SCAMP2: variants seen among roughly 807,000 people sequenced by gnomAD.
SCAMP2 encodes the protein secretory carrier-associated membrane protein 2.
Under a neutral mutation model 44.1 loss-of-function variants are expected in SCAMP2, and 25 were observed. That is an observed-to-expected ratio of 0.57 (90% CI 0.41 to 0.79). SCAMP2 has a LOEUF of 0.79. Among genes scored for constraint, SCAMP2 ranks in the 30% least tolerant of loss-of-function variants. The pLI is 0.00. For synonymous variants in SCAMP2, 156 were observed against 166.0 expected (o/e 0.94, Z 0.46); for missense variants, 355 against 411.0 (o/e 0.86, Z 1.18).
Position 74,863,163 on chromosome 15 carries a change from G to C in SCAMP2, c.58-8514C>G, listed in dbSNP as rs1195541847. Among the ~76,000 whole-genome samples the C allele has an allele frequency of 2.0e-5, 3 of 152,102 alleles. No homozygotes were observed. In the East Asian group the frequency reaches 5.8e-4, roughly 29 times the overall value. On this transcript the variant is annotated intron_variant, in intron 1 of 8. Transcript: ENST00000268099. ...AGTTTGAGACCAGCCTGGCCAGCAT[G>C]ATGAAACCCAGTCTCTACTAAAAAT...
intron 6 of SCAMP2, among the ~76,000 whole-genome samples, 187 bp from the exon 7 acceptor site, chr15:74,848,888 T>G (rs2141171287): frequency 1.3e-5 from 2 of 152,134 alleles, no homozygotes; most frequent in South Asian, 4.2e-4. Context: ...AAGAAGAGCT[T>G]GCCTTTCACT....
intron 3 of SCAMP2, 48 bp downstream of exon 3, chr15:74,853,973 T>G: frequency 4.0e-6 from 6 of 1,505,490 alleles, no homozygotes; most frequent in Non-Finnish European, 5.5e-6. Context: ...CTGGTCTGGA[T>G]GATTCCCTCA....
In SCAMP2 at chr15:74,845,174, G is replaced by A. The variant is rs1193550434; in HGVS notation, c.899C>T (p.Ala300Val). Residue 300 changes from alanine to valine, a missense_variant, in exon 9 of 9, where the codon GCC (alanine) becomes GTC (valine). Transcript: ENST00000268099. ...YRRTGASFQQ[A>V]QEEFSQGIFS... ...GATGCCCTGGGAAAACTCCTCCTGG[G>A]CCTGCTGGAAGCTGGCCCCTGTCCG... 6.2e-7 allele frequency: 1 copy of A among 1,613,706 alleles called. No homozygotes were observed. Among genetic ancestry groups the A allele is most frequent in the Non-Finnish European group, 8.5e-7 (1 of 1,180,000 alleles).
At chr15:74,853,945 A>G in intron 3 of SCAMP2, 76 bp downstream of exon 3, 1 of 1,332,686 alleles carries the variant, frequency 7.5e-7, no homozygotes, top group African/African-American at 1.4e-5. Context: ...GCTTGCCCCC[A>G]GCCTCAGGGC....
chr15:74,847,771 T>C (rs907176962), intron 7 of SCAMP2, among the ~76,000 whole-genome samples: 1 of 152,174 alleles, frequency 6.6e-6, no homozygotes, highest in African/African-American at 2.4e-5. Context: ...GAGATTAATT[T>C]TGAGCTGAGG....
chr15:74,854,970 G>C (rs1455583731), intron 1 of SCAMP2, among the ~76,000 whole-genome samples: 4 of 149,212 alleles, frequency 2.7e-5, no homozygotes, highest in Non-Finnish European at 5.9e-5. Flanking sequence ...CCTCTAGGGA[G>C]TGGGTTTTTT....
chr15:74,858,454 C>A (rs938087320), intron 1 of SCAMP2, among the ~76,000 whole-genome samples: 2 of 152,068 alleles, frequency 1.3e-5, no homozygotes, highest in Non-Finnish European at 2.9e-5. Context: ...AGCTCGGGAC[C>A]CTGGCTGAGA....
At chr15:74,852,323 C>T in intron 3 of SCAMP2, 137 bp from the exon 4 acceptor site, 1 of 513,936 alleles carries the variant, frequency 1.9e-6, no homozygotes, top group Non-Finnish European at 3.2e-6. Flanking sequence ...CCCCGCCCCA[C>T]AGAGTGTCTT....
intron 1 of SCAMP2, among the ~76,000 whole-genome samples, chr15:74,857,104 C>A (rs1479654024): frequency 6.6e-6 from 1 of 152,094 alleles, no homozygotes; most frequent in Non-Finnish European, 1.5e-5. Context: ...TCTTATCTTC[C>A]CACCTGAGCC....
Position 74,844,787 on chromosome 15 carries a change from T to C in SCAMP2, c.*296A>G. ...GATCCCAACTGTGTGGGGGTGTCTG[T>C]GTGTGCACAGGACGAAGAGAACTTC... is the stretch of plus-strand genomic sequence containing the variant. On this transcript the variant is annotated 3_prime_UTR_variant, in exon 9 of 9. Transcript: ENST00000268099. 1 of 319,934 alleles carries C rather than the reference T, an allele frequency of 3.1e-6. No individual in the cohort carries two copies. The highest frequency in any genetic ancestry group is 5.9e-6 in the Non-Finnish European group (1 of 168,368). The allele number at this position is 319,934 out of a possible 1,614,324, so 19.8% of individuals were successfully genotyped here.
At chr15:74,853,984 C>A in intron 3 of SCAMP2, 37 bp downstream of exon 3, 2 of 1,547,522 alleles carry the variant, frequency 1.3e-6, no homozygotes, top group Non-Finnish European at 1.8e-6. Flanking sequence ...GATTCCCTCA[C>A]TGGAGAGAAA....
intron 1 of SCAMP2, among the ~76,000 whole-genome samples, chr15:74,862,853 TACACACACACACACACACAC>T (rs112611741): frequency 2.3e-5 from 2 of 87,482 alleles, no homozygotes; most frequent in South Asian, 3.7e-4. Context: ...AAACAAACCA[TACACACACACACACACACAC>T]ACACACACAC....
chr15:74,865,997 AGG>A (rs2064540576), intron 1 of SCAMP2, among the ~76,000 whole-genome samples: 1 of 88,222 alleles, frequency 1.1e-5, no homozygotes. Context: ...GAAGGAAGGA[AGG>A]AAGGAAGGAA....
chr15:74,870,338 G>A (rs1026782804), intron 1 of SCAMP2, among the ~76,000 whole-genome samples: 16 of 152,128 alleles, frequency 1.1e-4, no homozygotes, highest in Admixed American at 8.5e-4. Context: ...TGCTAACACT[G>A]GAGCAAAGCT....
chr15:74,858,491 A>C (rs770469911), intron 1 of SCAMP2, among the ~76,000 whole-genome samples: 25 of 152,130 alleles, frequency 1.6e-4, no homozygotes, highest in South Asian at 8.3e-4. Context: ...TCCTCATTTA[A>C]CCCTCACAAC....
intron 1 of SCAMP2, among the ~76,000 whole-genome samples, chr15:74,867,470 C>G (rs931281335): frequency 2.0e-5 from 3 of 152,220 alleles, no homozygotes; most frequent in Non-Finnish European, 4.4e-5. Context: ...CCTATCTGGG[C>G]AGCTGTCTGT....
At position 74,854,034 on chromosome 15, in the gene SCAMP2, T is replaced by G; in HGVS notation, c.212A>C (p.Gln71Pro). 1 of 1,614,060 alleles carries G rather than the reference T, an allele frequency of 6.2e-7. No homozygotes were observed. Reference sequence around the variant, plus strand: ...TGTCAGCACTACCTGGGGGGTCGGCTGGGTTGGTTCCACTGATGGCTGGAG... The same window carrying G: ...TGTCAGCACTACCTGGGGGGTCGGCGGGGTTGGTTCCACTGATGGCTGGAG... ...AVLQPSVEPT[Q>P]PTPQAVVSAA... The change falls in exon 3 of 9, where the codon CAG (glutamine) becomes CCG (proline). Residue 71 changes from glutamine (Q) to proline (P), a missense_variant. Transcript: ENST00000268099.
Position 74,844,763 on chromosome 15 carries a change from A to T in SCAMP2, c.*320T>A, listed in dbSNP as rs1206461201. The T allele has an allele frequency of 4.3e-6, 1 of 232,476 alleles. No individual in the cohort carries two copies. The allele number at this position is 232,476 out of a possible 1,614,324, so 14.4% of individuals were successfully genotyped here. A position where few individuals can be genotyped will look rare whatever the true frequency, so the allele number is the denominator to read the frequency against. On this transcript the variant is annotated 3_prime_UTR_variant, in exon 9 of 9. Transcript: ENST00000268099. Reference sequence around the variant, plus strand: ...TGGGATGGGCCCAGGTCAGCCTGTGATCCCAACTGTGTGGGGGTGTCTGTG... The same window carrying T: ...TGGGATGGGCCCAGGTCAGCCTGTGTTCCCAACTGTGTGGGGGTGTCTGTG...
At chr15:74,861,329 C>G (rs1286252332) in intron 1 of SCAMP2, among the ~76,000 whole-genome samples, 1 of 152,144 alleles carries the variant, frequency 6.6e-6, no homozygotes, top group Non-Finnish European at 1.5e-5. Context: ...CAATCACCCC[C>G]AGAGTGGCTA....
Sources: gnomAD v4.1 joint callset for allele counts (sites outside exome capture counted in the v4.1 genomes callset) on GRCh38, gnomAD v4.1.1 for gene constraint, MANE v1.5 for transcripts, NCBI Gene and HGNC (gene_info 2026-07-23, HGNC 2026-07-21) for gene names.